SCML4: variants seen among roughly 807,000 people sequenced by gnomAD.
SCML4 encodes Scm polycomb group protein like 4.
In SCML4, 34 loss-of-function variants were observed where a neutral mutation model predicts 41.1. That is an observed-to-expected ratio of 0.83 (90% CI 0.63 to 1.10). The LOEUF (loss-of-function observed/expected upper bound fraction) is 1.10, where lower values mean the gene tolerates loss of function less well. Among genes scored for constraint, SCML4 ranks in the 50% least tolerant of loss-of-function variants. The probability of loss-of-function intolerance (pLI) is 0.00; values close to 1 mark genes in which losing one functional copy is unlikely to be tolerated. For synonymous variants in SCML4, 214 were observed against 220.9 expected (o/e 0.97, Z 0.28); for missense variants, 522 against 534.1 (o/e 0.98, Z 0.22).
chr6:107,729,612 A>G (rs1053448596), intron 5 of SCML4, among the ~76,000 whole-genome samples: 7 of 152,226 alleles, frequency 4.6e-5, no homozygotes, highest in South Asian at 2.1e-4. Flanking sequence ...TTCAATGTAC[A>G]TCCACGACAT....
intron 2 of SCML4, among the ~76,000 whole-genome samples, chr6:107,751,592 TTC>T (rs1490591158): frequency 7.7e-6 from 1 of 130,316 alleles, no homozygotes; most frequent in African/African-American, 3.0e-5. Flanking sequence ...CTTTCTTTCT[TTC>T]TTTCTTTCTT....
At chr6:107,791,443 G>C (rs1002201066) in intron 1 of SCML4, among the ~76,000 whole-genome samples, 4 of 152,074 alleles carry the variant, frequency 2.6e-5, no homozygotes, top group African/African-American at 9.7e-5. Context: ...GTCTCAGAGT[G>C]GCCACTGGAA....
chr6:107,778,270 G>T (rs1458221649), intron 1 of SCML4, among the ~76,000 whole-genome samples: 3 of 119,758 alleles, frequency 2.5e-5, no homozygotes. Context: ...TATATAACTT[G>T]AGAATGCCCA....
intron 1 of SCML4, among the ~76,000 whole-genome samples, chr6:107,812,880 TACACACACACACACACACAC>T (rs141469245): frequency 1.4e-5 from 2 of 141,372 alleles, no homozygotes; most frequent in Non-Finnish European, 3.1e-5. Context: ...CACAGACACA[TACACACACACACACACACAC>T]ACACACACAC....
chr6:107,796,475 A>G (rs1279569628), intron 1 of SCML4, among the ~76,000 whole-genome samples: 1 of 152,088 alleles, frequency 6.6e-6, no homozygotes, highest in African/African-American at 2.4e-5. Flanking sequence ...CTTTTGCCCA[A>G]ATTTTATGGG....
At chr6:107,753,619 G>A (rs1309844363) in intron 2 of SCML4, among the ~76,000 whole-genome samples, 1 of 152,008 alleles carries the variant, frequency 6.6e-6, no homozygotes, top group Non-Finnish European at 1.5e-5. Flanking sequence ...TAGAAATAAT[G>A]GTAAATTTTG....
chr6:107,809,783 A>C (rs778228192), intron 1 of SCML4, among the ~76,000 whole-genome samples: 33 of 152,122 alleles, frequency 2.2e-4, no homozygotes, highest in Non-Finnish European at 2.9e-4. Context: ...GAAATTCAAA[A>C]CCAGAACGCA....
At chr6:107,812,239 G>T (rs923063210) in intron 1 of SCML4, among the ~76,000 whole-genome samples, 1 of 152,198 alleles carries the variant, frequency 6.6e-6, no homozygotes, top group Non-Finnish European at 1.5e-5. Flanking sequence ...CTCTGAAAAT[G>T]AAAGATAACC....
upstream of SCML4, among the ~76,000 whole-genome samples, chr6:107,824,593 T>C (rs1314472229): frequency 1.3e-5 from 2 of 151,634 alleles, no homozygotes; most frequent in Non-Finnish European, 2.9e-5. Context: ...TGCAAGGTAA[T>C]GACACTTCTG....
In SCML4 at chr6:107,745,036, C is replaced by T. The variant is rs749454362; in HGVS notation, c.595G>A (p.Asp199Asn). The T allele has an allele frequency of 2.5e-6, 4 of 1,614,020 alleles. No individual in the cohort carries two copies. Among genetic ancestry groups the T allele is most frequent in the Non-Finnish European group, 2.5e-6 (3 of 1,179,996 alleles). ...AAGGGCTGGTGGCTGAAGAGGTCAT[C>T]GCACAGGAGGCTTCGGCACAGCTTG... ...LAKLCRSLLC[D>N]DLFSHQPFPR... Residue 199 changes from aspartate to asparagine, a missense_variant, in exon 5 of 8, where the codon GAT becomes AAT. Asp to Asn is a conservative substitution (Grantham distance 23). Coordinates refer to ENST00000369020, the MANE Select transcript of SCML4 (RefSeq NM_198081.5).
At chr6:107,708,628 C>T (rs1773919806) in intron 6 of SCML4, among the ~76,000 whole-genome samples, 2 of 152,200 alleles carry the variant, frequency 1.3e-5, no homozygotes, top group Non-Finnish European at 2.9e-5. Context: ...CTCACTGCCC[C>T]AGGTACACAT....
chr6:107,828,527 A>G (rs1439299754), upstream of SCML4, among the ~76,000 whole-genome samples: 1 of 152,216 alleles, frequency 6.6e-6, no homozygotes, highest in African/African-American at 2.4e-5. Context: ...GACCTAGTAA[A>G]CTAGAGCTTT....
chr6:107,813,294 C>T (rs1784295549), intron 1 of SCML4, among the ~76,000 whole-genome samples: 1 of 147,176 alleles, frequency 6.8e-6, no homozygotes, highest in Non-Finnish European at 1.5e-5. Context: ...GCCTGGGAGG[C>T]AGAGGCTGCA....
chr6:107,704,075 A>G lies in SCML4; in HGVS notation c.*1125T>C, dbSNP rs554545044. 2 of 152,196 alleles carry G rather than the reference A, an allele frequency of 1.3e-5. No homozygotes were observed. The highest frequency in any genetic ancestry group is 2.9e-5 in the Non-Finnish European group (2 of 68,044). 9.4% of individuals were successfully genotyped at this position (152,196 alleles called of 1,614,324 possible). A position where few individuals can be genotyped will look rare whatever the true frequency, so the allele number is the denominator to read the frequency against. Reference sequence around the variant, plus strand: ...CTATTACTCCACTGTGAGGAAGGAAAACCTATTTGTAAATTGAATTAAACC... The same window carrying G: ...CTATTACTCCACTGTGAGGAAGGAAGACCTATTTGTAAATTGAATTAAACC... On this transcript the variant is annotated 3_prime_UTR_variant, in exon 8 of 8. Transcript: ENST00000369020.
the SCML4 span, among the ~76,000 whole-genome samples, chr6:107,839,393 G>GAAAGAAAC: frequency 8.7e-4 from 117 of 134,388 alleles, no homozygotes; most frequent in African/African-American, 3.2e-3. Context: ...AAGAAAGAAA[G>GAAAGAAAC]AAAGAAAGAA....
intron 1 of SCML4, among the ~76,000 whole-genome samples, chr6:107,805,145 G>A (rs925367618): frequency 1.3e-5 from 2 of 152,198 alleles, no homozygotes; most frequent in African/African-American, 4.8e-5. Context: ...GGCAGGAAGT[G>A]AGTACTGGAG....
chr6:107,778,077 A>G (rs1325661132), intron 1 of SCML4, among the ~76,000 whole-genome samples: 2 of 150,502 alleles, frequency 1.3e-5, no homozygotes, highest in Non-Finnish European at 1.5e-5. Flanking sequence ...TTAGCCAGGC[A>G]TGATAGCATA....
chr6:107,842,596 C>G, the SCML4 span, among the ~76,000 whole-genome samples: 1 of 152,314 alleles, frequency 6.6e-6, no homozygotes, highest in South Asian at 2.1e-4. Context: ...TTTTGCCATG[C>G]TGGCCTAGGC....
At chr6:107,752,681 G>A (rs1215286864) in intron 2 of SCML4, among the ~76,000 whole-genome samples, 1 of 152,186 alleles carries the variant, frequency 6.6e-6, no homozygotes, top group Non-Finnish European at 1.5e-5. Flanking sequence ...AGTAAGACTA[G>A]GAGTGGCCAT....
Sources: gnomAD v4.1 joint callset for allele counts (sites outside exome capture counted in the v4.1 genomes callset) on GRCh38, gnomAD v4.1.1 for gene constraint, MANE v1.5 for transcripts, NCBI Gene and HGNC (gene_info 2026-07-23, HGNC 2026-07-21) for gene names.